The following METTL8 variants were observed in gnomAD, a reference collection of about 807,000 sequenced individuals.
METTL8 encodes the protein tRNA N(3)-cytidine methyltransferase METTL8, mitochondrial.
Under a neutral mutation model 48.7 loss-of-function variants are expected in METTL8, and 32 were observed. The ratio of observed to expected loss-of-function variants is 0.66; its 90% CI spans 0.50 to 0.88. The LOEUF is 0.88. Among genes scored for constraint, METTL8 ranks in the 40% least tolerant of loss-of-function variants. The pLI is 0.00. For missense variants in METTL8, 464 were observed against 474.4 expected, an observed-to-expected ratio of 0.98 and a Z score of 0.20; for synonymous variants, 136 against 157.1, an observed-to-expected ratio of 0.87 and a Z score of 1.01.
chr2:171,428,941 T>C (rs773635658), intron 1 of METTL8, among the ~76,000 whole-genome samples: 4 of 151,822 alleles, frequency 2.6e-5, no homozygotes, highest in African/African-American at 7.3e-5. Flanking sequence ...AGGCTGAAAA[T>C]GTGGGCAAGA....
Position 171,417,800 on chromosome 2 carries a change from C to T in METTL8, c.-13+16083G>A, listed in dbSNP as rs147163461. ...TAGTTTCCCCCACTATTAAATCTTA[C>T]ATTATTATGGTATATTTATTATAAT... On this transcript the variant is annotated intron_variant, in intron 1 of 9. Transcript: ENST00000375258. Among the ~76,000 whole-genome samples the T allele has an allele frequency of 3.0e-4, 45 of 152,310 alleles. 1 individual carries two copies. In the East Asian group the frequency reaches 5.0e-3, roughly 17 times the overall value.
chr2:171,346,476 A>G (rs1043001594), intron 3 of METTL8, among the ~76,000 whole-genome samples: 7 of 152,228 alleles, frequency 4.6e-5, no homozygotes, highest in African/African-American at 1.7e-4. Flanking sequence ...ATATGTGAGA[A>G]ATGGGAAATG....
chr2:171,350,095 A>T lies in METTL8; in HGVS notation c.235+10327T>A, dbSNP rs564009875. ...GTCATTTACATTAGGTATATCTCCT[A>T]ATGCTATCCCTCCCCACTCCCGCCA... On this transcript the variant is annotated intron_variant, in intron 3 of 9. Transcript: ENST00000375258. 2.1e-3 allele frequency among the ~76,000 whole-genome samples: 315 copies of T among 152,116 alleles called. 1 individual carries two copies. Among genetic ancestry groups the T allele is most frequent in the African/African-American group, 7.4e-3 (305 of 41,464 alleles).
chr2:171,397,049 T>A (rs1386490017), intron 1 of METTL8, among the ~76,000 whole-genome samples: 1 of 151,170 alleles, frequency 6.6e-6, no homozygotes, highest in Admixed American at 6.6e-5. Flanking sequence ...CTTGAACTCC[T>A]AGGCTCAAGG....
intron 2 of METTL8, among the ~76,000 whole-genome samples, chr2:171,361,978 T>C (rs1044613070): frequency 1.3e-5 from 2 of 152,016 alleles, no homozygotes; most frequent in African/African-American, 4.8e-5. Flanking sequence ...GGGTTCAGGT[T>C]AGGAGGAAAA....
chr2:171,422,183 C>G (rs1691941371), intron 1 of METTL8, among the ~76,000 whole-genome samples: 1 of 152,060 alleles, frequency 6.6e-6, no homozygotes, highest in Non-Finnish European at 1.5e-5. Context: ...ATAGACTTGA[C>G]CAGATAGGTA....
intron 2 of METTL8, among the ~76,000 whole-genome samples, chr2:171,378,077 C>T (rs1559139389): frequency 6.6e-6 from 1 of 152,158 alleles, no homozygotes; most frequent in Admixed American, 6.5e-5. Context: ...GGATCAAGTT[C>T]ACACATAACA....
At chr2:171,368,797 G>A (rs1287427880) in intron 2 of METTL8, among the ~76,000 whole-genome samples, 1 of 152,110 alleles carries the variant, frequency 6.6e-6, no homozygotes, top group Non-Finnish European at 1.5e-5. Context: ...AGCTACTCGG[G>A]AGGCTGAGGC....
intron 2 of METTL8, among the ~76,000 whole-genome samples, chr2:171,384,555 T>C (rs1687864132): frequency 6.6e-6 from 1 of 150,980 alleles, no homozygotes; most frequent in Non-Finnish European, 1.5e-5. Context: ...CTAGACCAAC[T>C]GTGGTAGCTC....
rs1686840350 is a variant in METTL8 at position 171,375,268 on chromosome 2, T to A, written c.144-14755A>T. 4 of 993,438 alleles carry A rather than the reference T, an allele frequency of 4.0e-6. No homozygotes were observed. The Admixed American group carries it at 6.8e-5, about 17-fold the overall frequency. The allele number at this position is 993,438 out of a possible 1,614,324, so 61.5% of individuals were successfully genotyped here. On this transcript the variant is annotated intron_variant, in intron 2 of 9. Coordinates refer to ENST00000375258, the MANE Select transcript of METTL8 (RefSeq NM_001321154.2). ...TTTGGCATGACCGTTGTTCCTTCTT[T>A]TCTTTGTCATCTTGGAGGCACGGAC...
At chr2:171,334,267 A>T (rs1416206309) in intron 5 of METTL8, among the ~76,000 whole-genome samples, 5 of 152,178 alleles carry the variant, frequency 3.3e-5, no homozygotes, top group Non-Finnish European at 7.4e-5. Flanking sequence ...GCCATATGCC[A>T]TGTGTCCTGC....
intron 7 of METTL8, among the ~76,000 whole-genome samples, chr2:171,328,547 G>C (rs1685193066): frequency 6.6e-6 from 1 of 152,128 alleles, no homozygotes. Context: ...CTTACTCACT[G>C]TCACCCAGGC....
intron 9 of METTL8, among the ~76,000 whole-genome samples, chr2:171,324,741 T>C (rs1288391464): frequency 1.3e-5 from 2 of 152,138 alleles, no homozygotes; most frequent in Non-Finnish European, 2.9e-5. Flanking sequence ...CAGCATTCAC[T>C]TGGTACTGTT....
At chr2:171,371,078 T>C (rs1486376990) in intron 2 of METTL8, among the ~76,000 whole-genome samples, 1 of 152,188 alleles carries the variant, frequency 6.6e-6, no homozygotes, top group African/African-American at 2.4e-5. Flanking sequence ...AGAAAAAACA[T>C]TTTCAGCTAC....
intron 3 of METTL8, among the ~76,000 whole-genome samples, chr2:171,359,982 C>A (rs1684998740): frequency 6.6e-6 from 1 of 152,088 alleles, no homozygotes; most frequent in Non-Finnish European, 1.5e-5. Flanking sequence ...TAAAGGCCTT[C>A]AAGAAAACTG....
rs536551109 is a variant in METTL8, at chr2:171,412,726, G to GAA, written c.-12-20531_-12-20530dup. ...CTTCTTCACCAACTATGGACTCACA[G>GAA]AAAAAAAAAAAAGGCAGTTTCACGT... On this transcript the variant is annotated intron_variant, in intron 1 of 9. Coordinates refer to ENST00000375258, the MANE Select transcript of METTL8 (RefSeq NM_001321154.2). Among the ~76,000 whole-genome samples, 208 of 136,212 alleles carry GAA rather than the reference G, an allele frequency of 1.5e-3. 4 individuals are homozygous for GAA. In the East Asian group the frequency reaches 0.016, roughly 11 times the overall value. 89.4% of individuals were successfully genotyped at this position (136,212 alleles called of 152,430 possible). A position where few individuals can be genotyped will look rare whatever the true frequency, so the allele number is the denominator to read the frequency against.
intron 2 of METTL8, among the ~76,000 whole-genome samples, chr2:171,391,504 A>G (rs1294890370): frequency 1.3e-5 from 2 of 152,232 alleles, no homozygotes; most frequent in Admixed American, 6.5e-5. Context: ...TATGGCATAT[A>G]GTCTGTAACA....
chr2:171,434,429 C>T (rs1215116023), upstream of METTL8: 2 of 1,392,372 alleles, frequency 1.4e-6, no homozygotes, highest in East Asian at 5.1e-5. Flanking sequence ...GTCGGGTGCT[C>T]CCTGCCCGCC....
In METTL8 at chr2:171,316,509, CT is replaced by C. The variant is rs1201923374; in HGVS notation, c.*7662del. 2.2e-4 allele frequency among the ~76,000 whole-genome samples: 34 copies of C among 152,262 alleles called. No homozygotes were observed. The highest frequency in any genetic ancestry group is 7.5e-4 in the African/African-American group (31 of 41,562). On this transcript the variant is annotated 3_prime_UTR_variant, in exon 10 of 10. Transcript: ENST00000375258. ...TAAAACAAGGAAGATTATAATGAAGCTTTGTCTCACTAATCTCCAGAGCCCA... is the reference window on the plus strand; with the variant it reads ...TAAAACAAGGAAGATTATAATGAAGCTTGTCTCACTAATCTCCAGAGCCCA...
Sources: allele counts gnomAD v4.1 joint callset (sites outside exome capture counted in the v4.1 genomes callset), GRCh38; gene constraint gnomAD v4.1.1; transcripts MANE v1.5; gene names NCBI Gene and HGNC (gene_info 2026-07-23, HGNC 2026-07-21).